GRAMD1B: variants seen among roughly 807,000 people sequenced by gnomAD.
GRAMD1B encodes protein Aster-B.
A neutral mutation model predicts 99.7 loss-of-function variants in GRAMD1B; 37 were observed. That is an observed-to-expected ratio of 0.37 (90% CI 0.29 to 0.49). GRAMD1B has a LOEUF of 0.49. Among genes scored for constraint, GRAMD1B ranks in the 20% least tolerant of loss-of-function variants. The probability of loss-of-function intolerance (pLI) is 0.98; values close to 1 mark genes in which losing one functional copy is unlikely to be tolerated. For synonymous variants in GRAMD1B, 427 were observed against 387.6 expected, an observed-to-expected ratio of 1.10 and a Z score of -1.19; for missense variants, 888 against 1,009.2, an observed-to-expected ratio of 0.88 and a Z score of 1.63.
chr11:123,526,755 A>G (rs999346926), intron 2 of GRAMD1B, among the ~76,000 whole-genome samples: 8 of 152,150 alleles, frequency 5.3e-5, no homozygotes, highest in African/African-American at 1.7e-4. Flanking sequence ...GGGCCTTTGC[A>G]AGTGCCTGTT....
intron 2 of GRAMD1B, among the ~76,000 whole-genome samples, chr11:123,483,665 G>C (rs1312886978): frequency 6.6e-6 from 1 of 152,080 alleles, no homozygotes; most frequent in Non-Finnish European, 1.5e-5. Flanking sequence ...GGGATTACAG[G>C]CATTAGCCAC....
chr11:123,614,223 G>A lies in GRAMD1B; in HGVS notation c.2228-522G>A, dbSNP rs988639325. On this transcript the variant is annotated intron_variant, in intron 16 of 19. Coordinates refer to ENST00000635736, the MANE Select transcript of GRAMD1B (RefSeq NM_001387025.1). Reference sequence around the variant, plus strand: ...AATTGAGTTGGATATGGACAGGGGAGGCAGAAGAAGAGGGGAGAGTGGGGG... The same window carrying A: ...AATTGAGTTGGATATGGACAGGGGAAGCAGAAGAAGAGGGGAGAGTGGGGG... Among the ~76,000 whole-genome samples the A allele has an allele frequency of 4.6e-5, 7 of 152,346 alleles. No individual in the cohort carries two copies. In the South Asian group the frequency reaches 6.2e-4, roughly 14 times the overall value.
chr11:123,442,132 A>G (rs1350323352), intron 1 of GRAMD1B, among the ~76,000 whole-genome samples: 2 of 152,192 alleles, frequency 1.3e-5, no homozygotes, highest in Non-Finnish European at 1.5e-5. Context: ...TTATAATTCA[A>G]TTTAATTCTG....
At chr11:123,486,988 G>C (rs1937889090) in intron 2 of GRAMD1B, among the ~76,000 whole-genome samples, 1 of 152,246 alleles carries the variant, frequency 6.6e-6, no homozygotes. Flanking sequence ...AGAATCACTT[G>C]AGTCCAGGAG....
chr11:123,615,386 C>T (rs995758687), intron 17 of GRAMD1B, among the ~76,000 whole-genome samples: 3 of 152,206 alleles, frequency 2.0e-5, no homozygotes, highest in African/African-American at 7.2e-5. Flanking sequence ...CAGTAACTTG[C>T]ATAGAAAGAT....
chr11:123,405,507 A>G (rs1424559617), intron 1 of GRAMD1B, among the ~76,000 whole-genome samples: 2 of 152,186 alleles, frequency 1.3e-5, no homozygotes, highest in African/African-American at 4.8e-5. Flanking sequence ...GGACGGGCAC[A>G]AGGCTGCTGC....
chr11:123,532,386 G>A (rs377400043), intron 2 of GRAMD1B, among the ~76,000 whole-genome samples: 3 of 152,252 alleles, frequency 2.0e-5, no homozygotes, highest in Admixed American at 6.5e-5. Context: ...AGCTAGTCAC[G>A]TGGCCCTGCC....
intron 2 of GRAMD1B, chr11:123,560,241 C>T: frequency 9.3e-7 from 1 of 1,075,376 alleles, no homozygotes; most frequent in Non-Finnish European, 1.1e-6. Flanking sequence ...TGTGTCTGTG[C>T]GCCTGTGCGC....
chr11:123,534,367 G>C (rs73027933), intron 2 of GRAMD1B, among the ~76,000 whole-genome samples: 2 of 152,094 alleles, frequency 1.3e-5, no homozygotes, highest in African/African-American at 4.8e-5. Flanking sequence ...TCTCAGAGGC[G>C]ACAGAGGTGA....
chr11:123,502,193 A>G (rs1353168720), intron 2 of GRAMD1B, among the ~76,000 whole-genome samples: 1 of 152,202 alleles, frequency 6.6e-6, no homozygotes, highest in African/African-American at 2.4e-5. Flanking sequence ...TGGCTTCAGC[A>G]TGAGTCACTA....
chr11:123,411,179 T>C (rs1003969563), intron 1 of GRAMD1B, among the ~76,000 whole-genome samples: 1 of 151,940 alleles, frequency 6.6e-6, no homozygotes, highest in East Asian at 1.9e-4. Context: ...TAATTTTTTG[T>C]ATATTTAGTA....
intron 1 of GRAMD1B, among the ~76,000 whole-genome samples, chr11:123,434,380 G>T (rs1949064332): frequency 6.6e-6 from 1 of 152,098 alleles, no homozygotes; most frequent in South Asian, 2.1e-4. Context: ...AATCTATTTG[G>T]ATTGTGTGTA....
chr11:123,484,356 A>G (rs994174733), intron 2 of GRAMD1B, among the ~76,000 whole-genome samples: 15 of 152,138 alleles, frequency 9.9e-5, no homozygotes, highest in African/African-American at 3.6e-4. Flanking sequence ...CTAACTAGAG[A>G]GAACTCTGCC....
chr11:123,555,759 A>G (rs1014787141), intron 2 of GRAMD1B, among the ~76,000 whole-genome samples: 1 of 151,770 alleles, frequency 6.6e-6, no homozygotes, highest in African/African-American at 2.4e-5. Flanking sequence ...TTTAAAACGG[A>G]GTTTTGCTCT....
intron 2 of GRAMD1B, among the ~76,000 whole-genome samples, chr11:123,539,802 T>G (rs1351928907): frequency 1.3e-5 from 2 of 152,226 alleles, no homozygotes; most frequent in Non-Finnish European, 2.9e-5. Flanking sequence ...CGTTTCTATC[T>G]CTGCAGTATT....
chr11:123,507,739 A>G (rs976584244), intron 2 of GRAMD1B, among the ~76,000 whole-genome samples: 3 of 152,218 alleles, frequency 2.0e-5, no homozygotes, highest in Non-Finnish European at 2.9e-5. Flanking sequence ...TTAATGTTTA[A>G]TAATGCATTT....
At chr11:123,508,703 T>C (rs1940680653) in intron 2 of GRAMD1B, among the ~76,000 whole-genome samples, 1 of 152,182 alleles carries the variant, frequency 6.6e-6, no homozygotes, top group Non-Finnish European at 1.5e-5. Flanking sequence ...CTTTTTTTTT[T>C]TGGCAGAGTT....
At chr11:123,537,658 C>T (rs747250684) in intron 2 of GRAMD1B, among the ~76,000 whole-genome samples, 1 of 152,218 alleles carries the variant, frequency 6.6e-6, no homozygotes, top group Non-Finnish European at 1.5e-5. Flanking sequence ...TTCTACTTCA[C>T]GTTCTTGCTT....
intron 1 of GRAMD1B, among the ~76,000 whole-genome samples, chr11:123,463,063 C>T (rs772789427): frequency 5.0e-4 from 76 of 152,290 alleles, no homozygotes; most frequent in Admixed American, 1.2e-3. Context: ...GGCTGGAGTG[C>T]GATGGCGCGA....
Sources: gnomAD v4.1 joint callset for allele counts (sites outside exome capture counted in the v4.1 genomes callset) on GRCh38, gnomAD v4.1.1 for gene constraint, MANE v1.5 for transcripts, NCBI Gene and HGNC (gene_info 2026-07-23, HGNC 2026-07-21) for gene names.